The following CHST13 variants were observed in gnomAD, a reference collection of about 807,000 sequenced individuals.
CHST13 encodes carbohydrate sulfotransferase 13, also known as C4ST-3.
Under a neutral mutation model 7.0 loss-of-function variants are expected in CHST13, and 1 was observed. The observed-to-expected ratio is 0.14, with a 90% CI of 0.05 to 0.68. CHST13 has a LOEUF of 0.68. Among genes scored for constraint, CHST13 ranks in the 30% least tolerant of loss-of-function variants. The pLI is 0.82. For missense variants in CHST13, 572 were observed against 507.9 expected (o/e 1.13, Z -1.21); for synonymous variants, 257 against 240.9 (o/e 1.07, Z -0.62).
intron 2 of CHST13, among the ~76,000 whole-genome samples, chr3:126,538,917 G>A (rs1041551202): frequency 3.3e-5 from 5 of 152,064 alleles, no homozygotes; most frequent in Admixed American, 1.3e-4. Context: ...ACTACAGAAG[G>A]GTAGACACAG....
intron 2 of CHST13, among the ~76,000 whole-genome samples, chr3:126,541,490 AC>A (rs1194675952): frequency 1.3e-5 from 2 of 152,124 alleles, no homozygotes; most frequent in Non-Finnish European, 2.9e-5. Flanking sequence ...CGGCATACAT[AC>A]CCAGCGCGTC....
intron 1 of CHST13, among the ~76,000 whole-genome samples, chr3:126,526,677 C>T (rs771004042): frequency 2.6e-5 from 4 of 152,238 alleles, no homozygotes; most frequent in Non-Finnish European, 5.9e-5. Context: ...TCCACAGCCA[C>T]AGCCTCAGCC....
chr3:126,533,999 G>T (rs1936711894), intron 1 of CHST13, among the ~76,000 whole-genome samples: 4 of 152,182 alleles, frequency 2.6e-5, no homozygotes, highest in African/African-American at 9.6e-5. Flanking sequence ...TTTCTCATTT[G>T]TTGGGCTACA....
intron 2 of CHST13, among the ~76,000 whole-genome samples, chr3:126,540,937 T>C (rs905558164): frequency 4.6e-5 from 7 of 152,248 alleles, no homozygotes; most frequent in South Asian, 2.1e-4. Context: ...CACTTTCTTT[T>C]ATGAACTCTT....
At chr3:126,531,390 C>G (rs113115159) in intron 1 of CHST13, among the ~76,000 whole-genome samples, 1 of 152,230 alleles carries the variant, frequency 6.6e-6, no homozygotes, top group Non-Finnish European at 1.5e-5. Flanking sequence ...TTCTTCTTAG[C>G]GACATTTATA....
intron 1 of CHST13, among the ~76,000 whole-genome samples, chr3:126,531,335 T>G (rs2107564224): frequency 6.6e-6 from 1 of 152,364 alleles, no homozygotes; most frequent in East Asian, 1.9e-4. Flanking sequence ...TCCTCAGATT[T>G]CCCAAGTTTA....
Position 126,542,007 on chromosome 3 carries a change from T to G in CHST13, c.455T>G (p.Leu152Arg), listed in dbSNP as rs1348118033. ...EAHAPGRLPSLADFSPAEINR... is the reference protein window; with the variant it reads ...EAHAPGRLPSRADFSPAEINR... Reference sequence around the variant, plus strand: ...CACGCGCCTGGCCGCCTGCCCTCACTGGCCGACTTCAGCCCCGCCGAGATC... The same window carrying G: ...CACGCGCCTGGCCGCCTGCCCTCACGGGCCGACTTCAGCCCCGCCGAGATC... Residue 152 changes from leucine to arginine, a missense_variant, in exon 3 of 3, where the codon CTG (leucine) becomes CGG (arginine). Transcript: ENST00000319340. 1.9e-5 allele frequency: 29 copies of G among 1,562,026 alleles called. No individual in the cohort carries two copies. Among genetic ancestry groups the G allele is most frequent in the Non-Finnish European group, 2.5e-5 (29 of 1,158,722 alleles).
At chr3:126,537,998 ACATAGGTC>A (rs1936834499) in intron 2 of CHST13, among the ~76,000 whole-genome samples, 1 of 152,184 alleles carries the variant, frequency 6.6e-6, no homozygotes, top group Non-Finnish European at 1.5e-5. Context: ...CGGACAGTGG[ACATAGGTC>A]CAGCTTTAGA....
intron 2 of CHST13, among the ~76,000 whole-genome samples, chr3:126,539,797 A>G (rs1936898858): frequency 1.7e-5 from 1 of 58,486 alleles, no homozygotes. Flanking sequence ...CACACCACAG[A>G]CACCACACCA....
At chr3:126,540,109 C>T (rs1200583625) in intron 2 of CHST13, among the ~76,000 whole-genome samples, 3 of 151,820 alleles carry the variant, frequency 2.0e-5, no homozygotes, top group East Asian at 1.9e-4. Flanking sequence ...AGGACACACA[C>T]GCATTCCCAC....
In CHST13 at chr3:126,524,280, T is replaced by C; in HGVS notation, c.-53T>C. The stretch of plus-strand genomic sequence containing the variant: ...GGGCCGGGTCCTGGGCCAGTGCAAC[T>C]CCGCCCCCAGCCGTATCCAGCGGAC... On this transcript the variant is annotated 5_prime_UTR_variant, in exon 1 of 3. Coordinates refer to ENST00000319340, the MANE Select transcript of CHST13 (RefSeq NM_152889.3). 1 of 1,208,636 alleles carries C rather than the reference T, an allele frequency of 8.3e-7. No individual in the cohort carries two copies. Among genetic ancestry groups the C allele is most frequent in the Non-Finnish European group, 1.0e-6 (1 of 971,326 alleles). 74.9% of individuals were successfully genotyped at this position (1,208,636 alleles called of 1,614,324 possible).
rs779854156 is a variant in CHST13, at chr3:126,542,466, C to T, written c.914C>T (p.Ala305Val). The T allele has an allele frequency of 9.5e-6, 15 of 1,575,374 alleles. No individual in the cohort carries two copies. Among genetic ancestry groups the T allele is most frequent in the South Asian group, 2.3e-5 (2 of 86,126 alleles). The part of the protein sequence containing the change: ...RGAAASRDLA[A>V]RLFRDISPFY... ...GCCGCCGCCTCCCGCGACCTGGCAGCGCGCCTCTTCCGGGACATCAGCCCC... is the reference window on the plus strand; with the variant it reads ...GCCGCCGCCTCCCGCGACCTGGCAGTGCGCCTCTTCCGGGACATCAGCCCC... Residue 305 changes from alanine to valine, a missense_variant, in exon 3 of 3, where the codon GCG becomes GTG. Coordinates refer to ENST00000319340, the MANE Select transcript of CHST13 (RefSeq NM_152889.3).
intron 1 of CHST13, among the ~76,000 whole-genome samples, chr3:126,533,159 C>T (rs774335522): frequency 1.5e-4 from 23 of 151,882 alleles, no homozygotes; most frequent in African/African-American, 2.2e-4. Context: ...TATATATATA[C>T]GGTTATGTCA....
rs559156519 is a variant in CHST13, at chr3:126,541,744, G to A, written c.192G>A (p.Ser64=). 1.3e-6 allele frequency: 2 copies of A among 1,485,810 alleles called. No individual in the cohort carries two copies. The highest frequency in any genetic ancestry group is 1.4e-5 in the African/African-American group (1 of 69,320). The allele number at this position is 1,485,810 out of a possible 1,614,324, so 92.0% of individuals were successfully genotyped here. A position where few individuals can be genotyped will look rare whatever the true frequency, so the allele number is the denominator to read the frequency against. The part of the protein sequence containing the change: ...KLYDLDQDPR[S]TLAKVHRQRR... ...CCTGTCGCCCACAGGACCCGCGCTC[G>A]ACCCTGGCGAAGGTGCACCGGCAGC... The change falls in exon 3 of 3, where the codon TCG becomes TCA. Residue 64 remains serine (S), a synonymous_variant. Coordinates refer to ENST00000319340, the MANE Select transcript of CHST13 (RefSeq NM_152889.3).
rs769798290 is a variant in CHST13 at position 126,542,265 on chromosome 3, G to C, written c.713G>C (p.Arg238Pro). Residue 238 changes from arginine (R) to proline (P), a missense_variant, in exon 3 of 3, where the codon CGG (arginine) becomes CCG (proline). Physicochemically the swap from Arg to Pro is moderately radical, Grantham distance 103. Transcript: ENST00000319340. ...GCCTACCTGCTGGACCCGCGCACGC[G>C]GCGTGAGGAGCCCTTCAACGAGCAC... Reference protein sequence around the residue: ...FLAYLLDPRTRREEPFNEHWE... With the variant: ...FLAYLLDPRTPREEPFNEHWE... 6 of 1,556,288 alleles carry C rather than the reference G, an allele frequency of 3.9e-6. No individual in the cohort carries two copies. Among genetic ancestry groups the C allele is most frequent in the Non-Finnish European group, 5.2e-6 (6 of 1,157,584 alleles).
At chr3:126,538,464 C>G (rs1936847462) in intron 2 of CHST13, among the ~76,000 whole-genome samples, 1 of 152,226 alleles carries the variant, frequency 6.6e-6, no homozygotes, top group African/African-American at 2.4e-5. Flanking sequence ...CACATTCCCC[C>G]CGAACCCCCG....
At position 126,541,830 on chromosome 3, in the gene CHST13, C is replaced by CGGA; in HGVS notation, c.282_284dup (p.Glu94dup). ...TCACGCCGGCAGCGCCTGCTACAGC[C>CGGA]GGAGGACCTGCGGCACGTGCTGGTG... On this transcript the variant is annotated inframe_insertion, in exon 3 of 3. Coordinates refer to ENST00000319340, the MANE Select transcript of CHST13 (RefSeq NM_152889.3). 6.4e-7 allele frequency: 1 copy of CGGA among 1,570,294 alleles called. No homozygotes were observed. Among genetic ancestry groups the CGGA allele is most frequent in the Non-Finnish European group, 8.6e-7 (1 of 1,158,524 alleles).
chr3:126,536,948 G>A lies in CHST13; in HGVS notation c.180+595G>A, dbSNP rs112895272. On this transcript the variant is annotated intron_variant, in intron 2 of 2. Coordinates refer to ENST00000319340, the MANE Select transcript of CHST13 (RefSeq NM_152889.3). ...ACCCCACACACACAAGTACTTATTCGGACAGCACATATTGAGCACCTACTG... is the reference window on the plus strand; with the variant it reads ...ACCCCACACACACAAGTACTTATTCAGACAGCACATATTGAGCACCTACTG... Among the ~76,000 whole-genome samples, 4 of 150,034 alleles carry A rather than the reference G, an allele frequency of 2.7e-5. No individual in the cohort carries two copies. The South Asian group carries it at 6.3e-4, about 24-fold the overall frequency.
chr3:126,539,442 C>A (rs35656703), intron 2 of CHST13, among the ~76,000 whole-genome samples: 30,295 of 151,710 alleles, frequency 0.2, 3,539 homozygotes, highest in Admixed American at 0.26. Flanking sequence ...TACATGGACA[C>A]ACACACAACC....
Sources: gnomAD v4.1 joint callset for allele counts (sites outside exome capture counted in the v4.1 genomes callset) on GRCh38, gnomAD v4.1.1 for gene constraint, MANE v1.5 for transcripts, NCBI Gene and HGNC (gene_info 2026-07-23, HGNC 2026-07-21) for gene names.